CNTN6: variants seen among roughly 807,000 people sequenced by gnomAD.
CNTN6 encodes contactin-6.
CNTN6 carries 137 observed loss-of-function variants against 122.8 expected under a neutral mutation model. The ratio of observed to expected loss-of-function variants is 1.12; its 90% confidence interval spans 0.97 to 1.29. The LOEUF is 1.29. Among genes scored for constraint, CNTN6 ranks in the 50% most tolerant of loss-of-function variants. CNTN6 has a pLI of 0.00. For missense variants in CNTN6, 1,634 were observed against 1,223.4 expected (o/e 1.34, Z -5.01); for synonymous variants, 570 against 426.0 (o/e 1.34, Z -4.16).
At chr3:1,366,022 CTA>C (rs1289855677) in intron 12 of CNTN6, among the ~76,000 whole-genome samples, 15 of 152,044 alleles carry the variant, frequency 9.9e-5, no homozygotes, top group Non-Finnish European at 1.8e-4. Context: ...TCTGGAATAA[CTA>C]TATCAAAATC....
chr3:1,337,295 G>A (rs1208751180), intron 11 of CNTN6, among the ~76,000 whole-genome samples: 2 of 152,104 alleles, frequency 1.3e-5, no homozygotes, highest in Non-Finnish European at 2.9e-5. Flanking sequence ...CTGAATGCAA[G>A]ACAGCCAATT....
chr3:1,378,313 G>T (rs370888308), intron 17 of CNTN6, among the ~76,000 whole-genome samples: 1 of 152,094 alleles, frequency 6.6e-6, no homozygotes, highest in Non-Finnish European at 1.5e-5. Context: ...ATGAACCTGC[G>T]TCCCTTATGT....
chr3:1,386,555 C>G (rs1235221318), intron 20 of CNTN6, among the ~76,000 whole-genome samples: 6 of 152,114 alleles, frequency 3.9e-5, no homozygotes, highest in Non-Finnish European at 8.8e-5. Flanking sequence ...ATACGAGGCA[C>G]AGCAATAAAT....
At chr3:1,305,824 A>G (rs911220673) in intron 7 of CNTN6, among the ~76,000 whole-genome samples, 2 of 152,008 alleles carry the variant, frequency 1.3e-5, no homozygotes, top group Non-Finnish European at 2.9e-5. Context: ...TTTCTAATTT[A>G]TGAAGCTAAA....
At chr3:1,245,323 T>TATA (rs2094567355) in intron 4 of CNTN6, among the ~76,000 whole-genome samples, 5 of 49,090 alleles carry the variant, frequency 1.0e-4, no homozygotes, top group African/African-American at 3.9e-4. Flanking sequence ...TATATATATA[T>TATA]ATATATATAT....
chr3:1,122,221 C>T (rs1357205427), intron 1 of CNTN6, among the ~76,000 whole-genome samples: 1 of 150,624 alleles, frequency 6.6e-6, no homozygotes. Flanking sequence ...AGATATACCA[C>T]AGTATGACCC....
rs541280758 is a variant in CNTN6, at chr3:1,102,615, C to G, written c.-83+9495C>G. ...GTGGTGGCGGCGCCTGTAGTCCCAG[C>G]TACTCGGGAGGCTGAGGCAGGAGAA... On this transcript the variant is annotated intron_variant, in intron 1 of 22. Transcript: ENST00000446702. Among the ~76,000 whole-genome samples the G allele has an allele frequency of 1.9e-4, 28 of 149,630 alleles. 1 individual carries two copies. The highest frequency in any genetic ancestry group is 3.2e-3 in the Middle Eastern group (1 of 316).
intron 1 of CNTN6, among the ~76,000 whole-genome samples, chr3:1,099,266 A>G (rs1436118238): frequency 2.0e-5 from 3 of 152,080 alleles, no homozygotes; most frequent in Admixed American, 1.3e-4. Context: ...CCTGGCTAAC[A>G]CGGTGAAACC....
intron 1 of CNTN6, among the ~76,000 whole-genome samples, chr3:1,107,926 C>T (rs542080334): frequency 6.6e-6 from 1 of 152,106 alleles, no homozygotes; most frequent in East Asian, 1.9e-4. Flanking sequence ...AACTGGGACT[C>T]CCCAAAAGTT....
intron 1 of CNTN6, among the ~76,000 whole-genome samples, chr3:1,114,919 G>A (rs535875469): frequency 6.6e-6 from 1 of 152,246 alleles, no homozygotes; most frequent in South Asian, 2.1e-4. Flanking sequence ...CTCAGAAGCT[G>A]GGCATCTTAG....
chr3:1,243,088 A>G (rs953213865), intron 4 of CNTN6, among the ~76,000 whole-genome samples: 1 of 152,176 alleles, frequency 6.6e-6, no homozygotes, highest in Non-Finnish European at 1.5e-5. Context: ...CTAAGCCGAG[A>G]AGATCTGGGA....
At chr3:1,131,231 C>T (rs1454507662) in intron 1 of CNTN6, among the ~76,000 whole-genome samples, 1 of 152,032 alleles carries the variant, frequency 6.6e-6, no homozygotes, top group Non-Finnish European at 1.5e-5. Flanking sequence ...TAGTGCTGAG[C>T]TCAGAAGTAA....
chr3:1,207,205 G>A (rs2093969847), intron 2 of CNTN6, among the ~76,000 whole-genome samples: 1 of 151,902 alleles, frequency 6.6e-6, no homozygotes, highest in African/African-American at 2.4e-5. Flanking sequence ...TTCTACTTGA[G>A]TGTTTTCTCT....
chr3:1,288,023 T>G (rs1694650548), intron 5 of CNTN6, among the ~76,000 whole-genome samples: 1 of 152,212 alleles, frequency 6.6e-6, no homozygotes, highest in Non-Finnish European at 1.5e-5. Flanking sequence ...AATCCCTTCC[T>G]GTGAGAAGCC....
intron 2 of CNTN6, among the ~76,000 whole-genome samples, chr3:1,199,426 C>T (rs557996900): frequency 2.6e-5 from 4 of 151,976 alleles, no homozygotes; most frequent in African/African-American, 7.3e-5. Flanking sequence ...GCAGTCCCCC[C>T]ACCTTGGCCC....
chr3:1,262,150 G>T (rs1413372100), intron 4 of CNTN6, among the ~76,000 whole-genome samples: 1 of 152,152 alleles, frequency 6.6e-6, no homozygotes, highest in Non-Finnish European at 1.5e-5. Context: ...CTTTTCTGCA[G>T]TTACAGATGT....
chr3:1,383,077 A>G lies in CNTN6; in HGVS notation c.2302A>G (p.Ile768Val). 1.9e-6 allele frequency: 3 copies of G among 1,614,078 alleles called. No homozygotes were observed. Among genetic ancestry groups the G allele is most frequent in the Non-Finnish European group, 1.7e-6 (2 of 1,179,942 alleles). The change falls in exon 18 of 23, where the codon ATC (isoleucine) becomes GTC (valine). Residue 768 changes from isoleucine to valine, a missense_variant. Physicochemically the swap from Ile to Val is conservative, Grantham distance 29. Coordinates refer to ENST00000446702, the MANE Select transcript of CNTN6 (RefSeq NM_001289080.2). Reference sequence around the variant, plus strand: ...AAGGTTTGTCTACAGAAATGAAAGCATCATCCCACTGTCTCCCTTTGAAGT... The same window carrying G: ...AAGGTTTGTCTACAGAAATGAAAGCGTCATCCCACTGTCTCCCTTTGAAGT... ...SSRFVYRNES[I>V]IPLSPFEVKV...
chr3:1,329,095 G>A (rs12330529), intron 10 of CNTN6, among the ~76,000 whole-genome samples: 3,515 of 151,094 alleles, frequency 0.023, 156 homozygotes, highest in African/African-American at 0.081. Flanking sequence ...GTATATATGT[G>A]TATATACGTA....
At chr3:1,190,109 GCAGC>G (rs2093680649) in intron 2 of CNTN6, among the ~76,000 whole-genome samples, 1 of 152,134 alleles carries the variant, frequency 6.6e-6, no homozygotes, top group East Asian at 1.9e-4. Context: ...TTTGCAGACG[GCAGC>G]CTTCTCACTG....
Sources: gnomAD v4.1 joint callset for allele counts (sites outside exome capture counted in the v4.1 genomes callset) on GRCh38, gnomAD v4.1.1 for gene constraint, MANE v1.5 for transcripts, NCBI Gene and HGNC (gene_info 2026-07-23, HGNC 2026-07-21) for gene names.